The following NPFFR2 variants were observed in gnomAD, a reference collection of about 807,000 sequenced individuals.
NPFFR2 encodes the protein neuropeptide FF receptor 2.
NPFFR2 carries 15 observed loss-of-function variants against 13.1 expected under a neutral mutation model. The observed-to-expected ratio is 1.15, with a 90% confidence interval of 0.77 to 1.76. The LOEUF (loss-of-function observed/expected upper bound fraction) is 1.76. NPFFR2 is among the 40% of genes most tolerant of loss of function. NPFFR2 has a pLI of 0.00. For synonymous variants in NPFFR2, 190 were observed against 175.7 expected (o/e 1.08, Z -0.65); for missense variants, 572 against 503.5 (o/e 1.14, Z -1.30).
intron 1 of NPFFR2, among the ~76,000 whole-genome samples, chr4:72,104,135 A>C (rs900235850): frequency 6.6e-6 from 1 of 152,088 alleles, no homozygotes; most frequent in Non-Finnish European, 1.5e-5. Flanking sequence ...TCTCAGCTAC[A>C]TCCATGTGAT....
chr4:72,129,267 A>C (rs1008718631), intron 2 of NPFFR2, among the ~76,000 whole-genome samples: 4 of 151,620 alleles, frequency 2.6e-5, no homozygotes, highest in African/African-American at 9.7e-5. Context: ...TGTTTCTCGT[A>C]AGGTGGGACG....
chr4:72,039,883 A>C (rs1163966880), intron 1 of NPFFR2, among the ~76,000 whole-genome samples: 1 of 152,186 alleles, frequency 6.6e-6, no homozygotes, highest in Non-Finnish European at 1.5e-5. Flanking sequence ...TCATGTCCTT[A>C]CAGCAATAGG....
intron 1 of NPFFR2, among the ~76,000 whole-genome samples, chr4:72,116,279 G>A (rs1482334874): frequency 6.6e-6 from 1 of 151,976 alleles, no homozygotes; most frequent in Non-Finnish European, 1.5e-5. Context: ...CTATTAAGTA[G>A]AATTCCACTG....
chr4:72,131,542 C>T (rs907228356), intron 2 of NPFFR2, among the ~76,000 whole-genome samples: 1 of 151,740 alleles, frequency 6.6e-6, no homozygotes, highest in Non-Finnish European at 1.5e-5. Flanking sequence ...CACATGTATA[C>T]ATATGTAACT....
At chr4:72,126,835 G>A (rs1186194794) in intron 1 of NPFFR2, among the ~76,000 whole-genome samples, 1 of 152,136 alleles carries the variant, frequency 6.6e-6, no homozygotes, top group Admixed American at 6.5e-5. Flanking sequence ...TTAAGTGCAT[G>A]GGGCCTATGC....
intron 1 of NPFFR2, among the ~76,000 whole-genome samples, chr4:72,110,956 A>G (rs1721550537): frequency 6.6e-6 from 1 of 151,908 alleles, no homozygotes; most frequent in African/African-American, 2.4e-5. Context: ...CAAAAACAAA[A>G]AACTGCAAAA....
At chr4:72,135,238 C>T (rs1299612084) in intron 2 of NPFFR2, among the ~76,000 whole-genome samples, 2 of 152,012 alleles carry the variant, frequency 1.3e-5, no homozygotes, top group South Asian at 4.1e-4. Flanking sequence ...TGAAACTATG[C>T]TTTGAAGTAA....
intron 1 of NPFFR2, among the ~76,000 whole-genome samples, chr4:72,042,291 C>T (rs1025774790): frequency 9.2e-5 from 14 of 152,130 alleles, no homozygotes; most frequent in Non-Finnish European, 1.9e-4. Flanking sequence ...CCTCCCCAGC[C>T]CTGCAGAACT....
rs368654718 is a variant in NPFFR2 at position 72,070,561 on chromosome 4, G to GTGTGTGTGTGTGTGTGTGTGTGT, written c.-8+38361_-8+38362insTGTGTGTGTGTGTGTGTGTGTGT. 2.4e-4 allele frequency among the ~76,000 whole-genome samples: 32 copies of GTGTGTGTGTGTGTGTGTGTGTGT among 131,642 alleles called. 2 individuals are homozygous for GTGTGTGTGTGTGTGTGTGTGTGT. The highest frequency in any genetic ancestry group is 5.3e-4 in the South Asian group (2 of 3,800). The allele number at this position is 131,642 out of a possible 152,430, so 86.4% of individuals were successfully genotyped here. ...AAGTATCGTGTGTGTGTGTGTGTGT[G>GTGTGTGTGTGTGTGTGTGTGTGT]GGGGGGGGGGGTGGGGCTCTGGTGG... On this transcript the variant is annotated intron_variant, in intron 1 of 3. Transcript: ENST00000308744.
At chr4:72,094,805 C>T (rs1471002349) in intron 1 of NPFFR2, among the ~76,000 whole-genome samples, 1 of 152,186 alleles carries the variant, frequency 6.6e-6, no homozygotes, top group Non-Finnish European at 1.5e-5. Context: ...AGCAACAATC[C>T]ATCCACTTCA....
intron 1 of NPFFR2, among the ~76,000 whole-genome samples, chr4:72,042,222 A>C (rs6446803): frequency 6.6e-6 from 1 of 152,000 alleles, no homozygotes; most frequent in South Asian, 2.1e-4. Flanking sequence ...TCTTGCTGCC[A>C]CCATGTGAAG....
intron 1 of NPFFR2, among the ~76,000 whole-genome samples, chr4:72,103,912 C>A (rs1345898285): frequency 6.6e-6 from 1 of 150,904 alleles, no homozygotes. Flanking sequence ...CTCCTCAGTC[C>A]TCCAAGAAAC....
intron 1 of NPFFR2, among the ~76,000 whole-genome samples, chr4:72,041,479 G>T: frequency 6.6e-6 from 1 of 152,106 alleles, no homozygotes; most frequent in East Asian, 1.9e-4. Flanking sequence ...GTGTCTTCTT[G>T]GTAGAATGAT....
chr4:72,041,557 C>A (rs1207947276), intron 1 of NPFFR2, among the ~76,000 whole-genome samples: 2 of 152,114 alleles, frequency 1.3e-5, no homozygotes, highest in Non-Finnish European at 2.9e-5. Context: ...ATTTTTAGTT[C>A]TTTAAGAGAT....
intron 1 of NPFFR2, among the ~76,000 whole-genome samples, chr4:72,128,196 G>C (rs1336412051): frequency 1.3e-5 from 2 of 152,206 alleles, no homozygotes; most frequent in Non-Finnish European, 2.9e-5. Flanking sequence ...TATCAGGAAA[G>C]CTAGAGGCAT....
intron 2 of NPFFR2, among the ~76,000 whole-genome samples, chr4:72,137,696 G>C (rs767847812): frequency 6.6e-6 from 1 of 152,194 alleles, no homozygotes; most frequent in Admixed American, 6.5e-5. Flanking sequence ...CTAACTAGCC[G>C]TGGCAAAGTA....
intron 3 of NPFFR2, among the ~76,000 whole-genome samples, chr4:72,144,342 T>C (rs887904205): frequency 3.3e-5 from 5 of 152,284 alleles, no homozygotes; most frequent in African/African-American, 1.2e-4. Context: ...AAAATCATGA[T>C]GTGGTATCAT....
chr4:72,081,610 C>T (rs1322583573), intron 1 of NPFFR2, among the ~76,000 whole-genome samples: 1 of 151,880 alleles, frequency 6.6e-6, no homozygotes, highest in Non-Finnish European at 1.5e-5. Flanking sequence ...ACCTCAGCCT[C>T]CTAAGTAGCT....
At chr4:72,075,647 A>T (rs898251239) in intron 1 of NPFFR2, among the ~76,000 whole-genome samples, 1 of 152,090 alleles carries the variant, frequency 6.6e-6, no homozygotes, top group Non-Finnish European at 1.5e-5. Context: ...TCTCAGGTAC[A>T]TGTAGGACAT....
Sources: gnomAD v4.1 joint callset for allele counts (sites outside exome capture counted in the v4.1 genomes callset) on GRCh38, gnomAD v4.1.1 for gene constraint, MANE v1.5 for transcripts, NCBI Gene and HGNC (gene_info 2026-07-23, HGNC 2026-07-21) for gene names.